The following RGS5 variants were observed in gnomAD, a reference collection of about 807,000 sequenced individuals.
RGS5 encodes the protein regulator of G protein signaling 5.
A neutral mutation model predicts 18.9 loss-of-function variants in RGS5; 20 were observed. That is an observed-to-expected ratio of 1.06 (90% CI 0.74 to 1.54). The LOEUF is 1.54. Among genes scored for constraint, RGS5 ranks in the 40% most tolerant of loss-of-function variants. The probability of loss-of-function intolerance (pLI) is 0.00; values close to 1 mark genes in which losing one functional copy is unlikely to be tolerated. For missense variants in RGS5, 201 were observed against 211.8 expected (o/e 0.95, Z 0.32); for synonymous variants, 57 against 76.2 (o/e 0.75, Z 1.31).
At chr1:163,200,769 G>C (rs79015633) in intron 1 of RGS5, among the ~76,000 whole-genome samples, 1 of 151,970 alleles carries the variant, frequency 6.6e-6, no homozygotes, top group African/African-American at 2.4e-5. Context: ...TCAACCTATG[G>C]GGAAAATAAG....
At chr1:163,152,435 G>T (rs1433015519) in intron 4 of RGS5, 115 bp downstream of exon 4, 6 of 1,075,174 alleles carry the variant, frequency 5.6e-6, no homozygotes, top group Non-Finnish European at 8.0e-6. Context: ...TAAGGTGGTC[G>T]ACTCACAAAT....
At chr1:163,212,847 T>C (rs541231300) in intron 1 of RGS5, 1 of 152,364 alleles carries the variant, frequency 6.6e-6, no homozygotes, top group East Asian at 1.9e-4. Flanking sequence ...TCACTATTCA[T>C]CAACTATTAA....
At chr1:163,253,472 CTTT>C (rs35268118) in intron 2 of RGS5, among the ~76,000 whole-genome samples, 5 of 137,710 alleles carry the variant, frequency 3.6e-5, no homozygotes, top group Non-Finnish European at 4.7e-5. Flanking sequence ...CCATGCCCAA[CTTT>C]TTTTTTTTTT....
chr1:163,212,529 T>C (rs1202557956), intron 1 of RGS5: 1 of 152,238 alleles, frequency 6.6e-6, no homozygotes, highest in East Asian at 1.9e-4. Context: ...GCTCATCAGA[T>C]AACCAACCTC....
At chr1:163,195,667 C>A (rs962451472) in intron 1 of RGS5, among the ~76,000 whole-genome samples, 1 of 150,734 alleles carries the variant, frequency 6.6e-6, no homozygotes, top group Non-Finnish European at 1.5e-5. Context: ...TAAAATTTAT[C>A]TTTATTTTTT....
intron 2 of RGS5, among the ~76,000 whole-genome samples, chr1:163,284,148 C>T (rs557685359): frequency 1.3e-5 from 2 of 152,250 alleles, no homozygotes; most frequent in African/African-American, 4.8e-5. Context: ...AGCTTGAATT[C>T]CTGTTTTAAG....
intron 1 of RGS5, chr1:163,211,076 A>G (rs1297065903): frequency 6.6e-6 from 1 of 152,248 alleles, no homozygotes; most frequent in Non-Finnish European, 1.5e-5. Context: ...ATTCAGGTTT[A>G]TCTAAGTTAA....
chr1:163,304,696 G>A (rs1335720432), intron 2 of RGS5: 1 of 152,112 alleles, frequency 6.6e-6, no homozygotes, highest in African/African-American at 2.4e-5. Context: ...CTTCATAATA[G>A]GCAATCAATA....
chr1:163,192,466 T>C (rs1659396977), intron 1 of RGS5, among the ~76,000 whole-genome samples: 1 of 151,718 alleles, frequency 6.6e-6, no homozygotes, highest in East Asian at 2.0e-4. Flanking sequence ...AAATCCAAAC[T>C]ATGGAGATAG....
chr1:163,147,924 T>C (rs887921425), intron 4 of RGS5, among the ~76,000 whole-genome samples: 11 of 134,416 alleles, frequency 8.2e-5, no homozygotes, highest in South Asian at 2.6e-4. Flanking sequence ...TTTTCTTTTT[T>C]TTTTTTTTTT....
chr1:163,281,554 C>T (rs1380464276), intron 2 of RGS5, among the ~76,000 whole-genome samples: 3 of 152,128 alleles, frequency 2.0e-5, no homozygotes, highest in Admixed American at 6.6e-5. Context: ...AGGGATGGCA[C>T]TAAGCCATTC....
intron 2 of RGS5, among the ~76,000 whole-genome samples, chr1:163,263,396 C>G (rs1281153472): frequency 6.6e-6 from 1 of 152,160 alleles, no homozygotes; most frequent in South Asian, 2.1e-4. Flanking sequence ...ATTTGAATCT[C>G]CCATTGTTGG....
At chr1:163,185,766 T>C (rs1405445178) in intron 1 of RGS5, among the ~76,000 whole-genome samples, 1 of 152,254 alleles carries the variant, frequency 6.6e-6, no homozygotes, top group Non-Finnish European at 1.5e-5. Flanking sequence ...CTCAGTTAAC[T>C]GCATGGTTCA....
chr1:163,231,534 T>C (rs1328207724), intron 2 of RGS5, among the ~76,000 whole-genome samples: 1 of 152,168 alleles, frequency 6.6e-6, no homozygotes, highest in Non-Finnish European at 1.5e-5. Context: ...AATAGTAAAC[T>C]AAACAATGTT....
At chr1:163,218,193 T>C (rs890259903), upstream of RGS5, among the ~76,000 whole-genome samples, 1 of 152,146 alleles carries the variant, frequency 6.6e-6, no homozygotes, top group Admixed American at 6.5e-5. Flanking sequence ...TGAGAGACGG[T>C]TGATAAAATT....
intron 2 of RGS5, among the ~76,000 whole-genome samples, chr1:163,279,700 C>T (rs1002703422): frequency 8.6e-5 from 13 of 151,266 alleles, no homozygotes; most frequent in African/African-American, 2.7e-4. Context: ...CTTTAAAACA[C>T]AAAACAAAAG....
chr1:163,270,743 A>G (rs1648699211), intron 2 of RGS5, among the ~76,000 whole-genome samples: 1 of 152,154 alleles, frequency 6.6e-6, no homozygotes. Context: ...TTCTCCTCCA[A>G]CGATAACAGA....
At chr1:163,246,425 G>C (rs188161235) in intron 2 of RGS5, among the ~76,000 whole-genome samples, 1 of 151,538 alleles carries the variant, frequency 6.6e-6, no homozygotes, top group Non-Finnish European at 1.5e-5. Context: ...CAAAAAATTA[G>C]CTGGGCACAG....
intron 2 of RGS5, among the ~76,000 whole-genome samples, chr1:163,290,210 A>AG (rs1332159887): frequency 6.6e-6 from 1 of 152,192 alleles, no homozygotes; most frequent in African/African-American, 2.4e-5. Flanking sequence ...ACAAAGCAGA[A>AG]GACACACCTG....
Sources: gnomAD v4.1 joint callset for allele counts (sites outside exome capture counted in the v4.1 genomes callset) on GRCh38, gnomAD v4.1.1 for gene constraint, MANE v1.5 for transcripts, NCBI Gene and HGNC (gene_info 2026-07-23, HGNC 2026-07-21) for gene names.